The following RGS5 variants were observed in gnomAD, a reference collection of about 807,000 sequenced individuals.
RGS5 encodes the protein regulator of G-protein signalling 5.
Under a neutral mutation model 18.9 loss-of-function variants are expected in RGS5, and 20 were observed. That is an observed-to-expected ratio of 1.06 (90% CI 0.74 to 1.54). The LOEUF is 1.54. Among genes scored for constraint, RGS5 ranks in the 40% most tolerant of loss-of-function variants. The probability of loss-of-function intolerance (pLI) is 0.00; values close to 1 mark genes in which losing one functional copy is unlikely to be tolerated. For missense variants in RGS5, 201 were observed against 211.8 expected, an observed-to-expected ratio of 0.95 and a Z score of 0.32; for synonymous variants, 57 against 76.2, an observed-to-expected ratio of 0.75 and a Z score of 1.31.
At chr1:163,240,747 A>G (rs1647770042) in intron 2 of RGS5, among the ~76,000 whole-genome samples, 1 of 152,008 alleles carries the variant, frequency 6.6e-6, no homozygotes, top group African/African-American at 2.4e-5. Flanking sequence ...GAACTTCTGG[A>G]CTCAAGTGAT....
At chr1:163,187,412 TAC>T (rs1484089618) in intron 1 of RGS5, among the ~76,000 whole-genome samples, 2 of 152,134 alleles carry the variant, frequency 1.3e-5, no homozygotes, top group South Asian at 4.1e-4. Flanking sequence ...CAGCCTTTGT[TAC>T]AGTCTTTTGT....
At chr1:163,221,516 CAATCAATA>C (rs902727464), upstream of RGS5, among the ~76,000 whole-genome samples, 17 of 148,366 alleles carry the variant, frequency 1.1e-4, no homozygotes, top group Middle Eastern at 3.5e-3. Flanking sequence ...ATCAATCAAT[CAATCAATA>C]AAATCTCCAT....
At chr1:163,305,552 A>G (rs780832047) in intron 2 of RGS5, among the ~76,000 whole-genome samples, 2 of 152,156 alleles carry the variant, frequency 1.3e-5, no homozygotes, top group Non-Finnish European at 2.9e-5. Flanking sequence ...AGCCCTACAC[A>G]CTACACTAGT....
At chr1:163,300,432 T>G (rs1649523153) in intron 2 of RGS5, 1 of 152,274 alleles carries the variant, frequency 6.6e-6, no homozygotes, top group Non-Finnish European at 1.5e-5. Context: ...TTCTCCATCT[T>G]ACTTTAAATT....
At chr1:163,159,225 G>A (rs927901100) in intron 3 of RGS5, among the ~76,000 whole-genome samples, 3 of 152,192 alleles carry the variant, frequency 2.0e-5, no homozygotes, top group African/African-American at 7.2e-5. Flanking sequence ...ACAGGGTCCC[G>A]AGGTGACATA....
chr1:163,212,221 A>G (rs1413349779), intron 1 of RGS5: 3 of 152,134 alleles, frequency 2.0e-5, no homozygotes, highest in African/African-American at 7.2e-5. Context: ...AGTCTGGGTG[A>G]TTACAGCTAT....
intron 2 of RGS5, chr1:163,304,179 T>A (rs1340814863): frequency 6.6e-6 from 1 of 152,230 alleles, no homozygotes; most frequent in Admixed American, 6.5e-5. Flanking sequence ...CCCCAAGATA[T>A]ATTCATAGAA....
intron 2 of RGS5, among the ~76,000 whole-genome samples, chr1:163,251,596 C>T (rs1018419104): frequency 3.3e-5 from 5 of 152,102 alleles, no homozygotes; most frequent in African/African-American, 1.2e-4. Context: ...AATCTTATGG[C>T]TTTAAATGCT....
chr1:163,204,547 G>C (rs971226589), upstream of RGS5, among the ~76,000 whole-genome samples: 5 of 152,116 alleles, frequency 3.3e-5, no homozygotes, highest in Non-Finnish European at 7.3e-5. Flanking sequence ...ACAGGGTCTA[G>C]TTTTGGTGTC....
chr1:163,280,347 G>A (rs1648960405), intron 2 of RGS5, among the ~76,000 whole-genome samples: 1 of 152,018 alleles, frequency 6.6e-6, no homozygotes, highest in South Asian at 2.1e-4. Flanking sequence ...ATGCAAGGAT[G>A]TTTCAACATA....
intron 2 of RGS5, among the ~76,000 whole-genome samples, chr1:163,286,460 T>C (rs768032179): frequency 1.6e-4 from 25 of 152,270 alleles, no homozygotes; most frequent in Non-Finnish European, 2.9e-4. Flanking sequence ...TACATGTATA[T>C]GTAAAGTCTC....
intron 1 of RGS5, among the ~76,000 whole-genome samples, chr1:163,181,444 G>A (rs1658843709): frequency 6.6e-6 from 1 of 152,124 alleles, no homozygotes; most frequent in African/African-American, 2.4e-5. Flanking sequence ...ACAAAACAGA[G>A]GCATATTTAA....
At chr1:163,282,920 C>T (rs564746521) in intron 2 of RGS5, among the ~76,000 whole-genome samples, 25 of 152,006 alleles carry the variant, frequency 1.6e-4, no homozygotes, top group African/African-American at 4.8e-4. Context: ...TAAGAAAATG[C>T]GGTATATATA....
intron 2 of RGS5, among the ~76,000 whole-genome samples, chr1:163,276,569 T>C (rs2101715672): frequency 6.6e-6 from 1 of 152,324 alleles, no homozygotes; most frequent in African/African-American, 2.4e-5. Context: ...AGATTTGCCT[T>C]GACTTTTGTT....
chr1:163,149,957 G>C (rs1657307841), intron 4 of RGS5, among the ~76,000 whole-genome samples: 1 of 152,218 alleles, frequency 6.6e-6, no homozygotes, highest in African/African-American at 2.4e-5. Flanking sequence ...GAGGATTAGA[G>C]AGCTTTAGCT....
At chr1:163,280,870 T>C (rs915315698) in intron 2 of RGS5, among the ~76,000 whole-genome samples, 1 of 152,218 alleles carries the variant, frequency 6.6e-6, no homozygotes, top group Non-Finnish European at 1.5e-5. Flanking sequence ...CTTTAAAATA[T>C]ACTACAAAAC....
chr1:163,229,268 A>G (rs1647411355), intron 2 of RGS5, among the ~76,000 whole-genome samples: 2 of 152,184 alleles, frequency 1.3e-5, no homozygotes, highest in Admixed American at 1.3e-4. Flanking sequence ...ATCTCTTCAC[A>G]GGGCAGCAGG....
intron 2 of RGS5, among the ~76,000 whole-genome samples, chr1:163,227,464 G>A (rs1647364762): frequency 6.6e-6 from 1 of 151,992 alleles, no homozygotes; most frequent in Non-Finnish European, 1.5e-5. Flanking sequence ...AACAGCATGG[G>A]GGAAACCACC....
At chr1:163,303,139 G>A (rs893386179) in intron 2 of RGS5, among the ~76,000 whole-genome samples, 2 of 152,024 alleles carry the variant, frequency 1.3e-5, no homozygotes, top group Non-Finnish European at 2.9e-5. Context: ...AGTATATTTG[G>A]ATACTTTTAC....
Sources: gnomAD v4.1 joint callset for allele counts (sites outside exome capture counted in the v4.1 genomes callset) on GRCh38, gnomAD v4.1.1 for gene constraint, MANE v1.5 for transcripts, NCBI Gene and HGNC (gene_info 2026-07-23, HGNC 2026-07-21) for gene names.